The following TTC39B variants were observed in gnomAD, a reference collection of about 807,000 sequenced individuals.
The protein encoded by TTC39B is tetratricopeptide repeat domain 39B.
In TTC39B, 92 loss-of-function variants were observed where a neutral mutation model predicts 96.6. The observed-to-expected ratio is 0.95, with a 90% confidence interval of 0.80 to 1.13. TTC39B has a LOEUF of 1.13. Among genes scored for constraint, TTC39B ranks in the 50% most tolerant of loss-of-function variants. TTC39B has a pLI of 0.00. For missense variants in TTC39B, 955 were observed against 809.3 expected, an observed-to-expected ratio of 1.18 and a Z score of -2.18; for synonymous variants, 367 against 299.4, an observed-to-expected ratio of 1.23 and a Z score of -2.33.
At chr9:15,234,685 A>T (rs562669190) in intron 2 of TTC39B, among the ~76,000 whole-genome samples, 1 of 152,100 alleles carries the variant, frequency 6.6e-6, no homozygotes, top group Admixed American at 6.5e-5. Flanking sequence ...TTCTGTACTA[A>T]GAAAAATTCT....
At chr9:15,200,019 C>A in intron 7 of TTC39B, 94 bp from the exon 8 acceptor site, 1 of 613,500 alleles carries the variant, frequency 1.6e-6, no homozygotes. Flanking sequence ...AAAACAAAAA[C>A]AAACAAACAA....
In TTC39B at chr9:15,167,028, A is replaced by ATT. The variant is rs549150155; in HGVS notation, c.*4989_*4990dup. ...TATATATATATATATATATATATAT[A>ATT]TTTTTTTTTTTTTTTTTTTTTTTTT... On this transcript the variant is annotated 3_prime_UTR_variant, in exon 20 of 20. Transcript: ENST00000512701. 8.2e-4 allele frequency: 9 copies of ATT among 11,036 alleles called. 2 individuals carry two copies. Among genetic ancestry groups the ATT allele is most frequent in the Non-Finnish European group, 9.4e-4 (6 of 6,354 alleles). 0.7% of individuals were successfully genotyped at this position (11,036 alleles called of 1,614,324 possible). A position where few individuals can be genotyped will look rare whatever the true frequency, so the allele number is the denominator to read the frequency against.
chr9:15,184,327 A>G (rs1408572616), intron 16 of TTC39B, among the ~76,000 whole-genome samples: 1 of 152,002 alleles, frequency 6.6e-6, no homozygotes. Context: ...ATGCACATGT[A>G]CAAAAAGAGG....
chr9:15,223,223 C>G (rs1820943497), intron 3 of TTC39B, among the ~76,000 whole-genome samples: 1 of 152,138 alleles, frequency 6.6e-6, no homozygotes, highest in South Asian at 2.1e-4. Flanking sequence ...TTGGCTCTTT[C>G]AAGGTTGGAG....
chr9:15,191,323 C>A, intron 9 of TTC39B, 68 bp from the exon 10 acceptor site: 1 of 1,112,262 alleles, frequency 9.0e-7, no homozygotes, highest in Non-Finnish European at 1.3e-6. Context: ...TCTAAACTAA[C>A]AACTTACAGT....
chr9:15,290,389 C>T lies in TTC39B; in HGVS notation c.240+16695G>A, dbSNP rs1824140056. Among the ~76,000 whole-genome samples, 4 of 152,296 alleles carry T rather than the reference C, an allele frequency of 2.6e-5. No homozygotes were observed. In the South Asian group the frequency reaches 8.3e-4, roughly 32 times the overall value. On this transcript the variant is annotated intron_variant, in intron 1 of 19. Coordinates refer to ENST00000512701, the Ensembl canonical transcript of TTC39B. ...AACAGATAGCTGCAATGATAGAAGG[C>T]CACCTATCTCCCCAGGTGGTCTCCT... is the stretch of plus-strand genomic sequence containing the variant.
intron 2 of TTC39B, among the ~76,000 whole-genome samples, chr9:15,264,841 C>T (rs976655037): frequency 1.5e-4 from 22 of 151,592 alleles, no homozygotes; most frequent in Non-Finnish European, 2.8e-4. Flanking sequence ...CTGATAGTCA[C>T]GAATCAAAAG....
intron 1 of TTC39B, among the ~76,000 whole-genome samples, chr9:15,300,674 T>G (rs989510281): frequency 1.6e-4 from 24 of 152,114 alleles, no homozygotes; most frequent in Non-Finnish European, 1.9e-4. Context: ...TCACCTGAGG[T>G]CAGGAGTTCG....
intron 1 of TTC39B, among the ~76,000 whole-genome samples, chr9:15,292,247 A>G (rs148384454): frequency 3.3e-5 from 5 of 152,310 alleles, no homozygotes; most frequent in South Asian, 4.1e-4. Flanking sequence ...CAACAGGTCA[A>G]TGATGGACCA....
intron 2 of TTC39B, among the ~76,000 whole-genome samples, chr9:15,230,742 T>C (rs1821374655): frequency 6.6e-6 from 1 of 152,156 alleles, no homozygotes; most frequent in Non-Finnish European, 1.5e-5. Flanking sequence ...AGCAGGACTT[T>C]GGGAGGCCGA....
Position 15,191,189 on chromosome 9 carries a change from C to G in TTC39B, c.996+1G>C. The G allele has an allele frequency of 6.2e-7, 1 of 1,600,354 alleles. No homozygotes were observed. Among genetic ancestry groups the G allele is most frequent in the Non-Finnish European group, 8.6e-7 (1 of 1,169,336 alleles). On this transcript the variant is annotated splice_donor_variant, in intron 10 of 19. Coordinates refer to ENST00000512701, the Ensembl canonical transcript of TTC39B. LOFTEE classifies it high-confidence loss of function. ...AAATTAACATAAAATTAAATTTGTA[C>G]CCTATTCCCAGAAAATCCAATAAAT...
intron 8 of TTC39B, among the ~76,000 whole-genome samples, chr9:15,196,733 A>T (rs1030554251): frequency 2.0e-5 from 3 of 152,366 alleles, no homozygotes; most frequent in Middle Eastern, 3.4e-3. Context: ...AAATAAACTT[A>T]GCTGATAAAG....
intron 18 of TTC39B, 140 bp downstream of exon 18, chr9:15,177,557 A>G: frequency 1.7e-6 from 1 of 591,208 alleles, no homozygotes; most frequent in Non-Finnish European, 3.0e-6. Flanking sequence ...AACAACAACA[A>G]CACACTACTG....
At chr9:15,289,887 A>G (rs1393677891) in intron 1 of TTC39B, among the ~76,000 whole-genome samples, 1 of 152,026 alleles carries the variant, frequency 6.6e-6, no homozygotes, top group Non-Finnish European at 1.5e-5. Flanking sequence ...TTGCAAGTGG[A>G]ACAAATTATT....
intron 13 of TTC39B, among the ~76,000 whole-genome samples, chr9:15,188,735 T>A (rs1397613309): frequency 6.6e-6 from 1 of 152,168 alleles, no homozygotes; most frequent in African/African-American, 2.4e-5. Context: ...GAAAAAAATA[T>A]TTTTATATGT....
chr9:15,235,050 A>AT (rs1410991999), intron 2 of TTC39B, among the ~76,000 whole-genome samples: 5 of 99,418 alleles, frequency 5.0e-5, no homozygotes, highest in African/African-American at 1.9e-4. Context: ...AATAAAACAA[A>AT]AACAAAACAA....
At chr9:15,300,729 T>C (rs953694856) in intron 1 of TTC39B, among the ~76,000 whole-genome samples, 10 of 151,874 alleles carry the variant, frequency 6.6e-5, no homozygotes, top group Admixed American at 2.6e-4. Context: ...CTACTAAAAA[T>C]ACAAAAATTA....
At chr9:15,184,421 A>T (rs966134528) in intron 16 of TTC39B, among the ~76,000 whole-genome samples, 53 of 19,710 alleles carry the variant, frequency 2.7e-3, no homozygotes, top group African/African-American at 9.6e-3. Flanking sequence ...CTCTGAATTT[A>T]AAAAAAAAAA....
chr9:15,263,980 G>A (rs1468416876), intron 2 of TTC39B, among the ~76,000 whole-genome samples: 2 of 152,204 alleles, frequency 1.3e-5, no homozygotes, highest in Non-Finnish European at 2.9e-5. Flanking sequence ...TTGTTAAACT[G>A]AGCAGGACAG....
Sources: allele counts gnomAD v4.1 joint callset (sites outside exome capture counted in the v4.1 genomes callset), GRCh38; gene constraint gnomAD v4.1.1; transcripts MANE v1.5; gene names NCBI Gene and HGNC (gene_info 2026-07-23, HGNC 2026-07-21).